The following GNB1 variants were observed in gnomAD, a reference collection of about 807,000 sequenced individuals.
The protein encoded by GNB1 is guanine nucleotide-binding protein G(I)/G(S)/G(T) subunit beta-1.
In GNB1, 2 loss-of-function variants were observed where a neutral mutation model predicts 42.9. The ratio of observed to expected loss-of-function variants is 0.05; its 90% confidence interval spans 0.02 to 0.15. GNB1 has a LOEUF of 0.15. Ranked by LOEUF, GNB1 falls within the 10% of genes least tolerant of loss-of-function variation. The probability of loss-of-function intolerance (pLI) is 1.00; values close to 1 mark genes in which losing one functional copy is unlikely to be tolerated. For missense variants in GNB1, 193 were observed against 462.2 expected, an observed-to-expected ratio of 0.42 and a Z score of 5.34; for synonymous variants, 183 against 174.7, an observed-to-expected ratio of 1.05 and a Z score of -0.38.
At chr1:1,865,891 G>C (rs1648909476) in intron 1 of GNB1, among the ~76,000 whole-genome samples, 1 of 151,346 alleles carries the variant, frequency 6.6e-6, no homozygotes, top group South Asian at 2.1e-4. Flanking sequence ...AAACAGTTTT[G>C]TTTTTTGGTT....
chr1:1,815,668 C>T lies in GNB1; in HGVS notation c.203+88G>A, dbSNP rs533727078. The T allele has an allele frequency of 2.4e-4, 174 of 731,446 alleles. 2 individuals carry two copies. In the South Asian group the frequency reaches 2.7e-3, roughly 11 times the overall value. The allele number at this position is 731,446 out of a possible 1,614,324, so 45.3% of individuals were successfully genotyped here. ...TTCCTAATTTCTTCACTGCACAGCACAGCAAATGGGTTCAGGTACTTTTCC... is the reference window on the plus strand; with the variant it reads ...TTCCTAATTTCTTCACTGCACAGCATAGCAAATGGGTTCAGGTACTTTTCC... On this transcript the variant is annotated intron_variant, in intron 5 of 11. Transcript: ENST00000378609.
chr1:1,837,974 G>T (rs1393039413), intron 2 of GNB1, among the ~76,000 whole-genome samples: 1 of 152,020 alleles, frequency 6.6e-6, no homozygotes, highest in African/African-American at 2.4e-5. Context: ...AGGCCAAGGC[G>T]GGTGGATCAC....
At chr1:1,863,325 A>G (rs1648732778) in intron 1 of GNB1, among the ~76,000 whole-genome samples, 1 of 152,308 alleles carries the variant, frequency 6.6e-6, no homozygotes, top group Non-Finnish European at 1.5e-5. Context: ...TAAGTTATGC[A>G]ATTTATAGCC....
intron 5 of GNB1, among the ~76,000 whole-genome samples, chr1:1,813,895 T>A (rs1220346879): frequency 6.6e-6 from 1 of 152,234 alleles, no homozygotes; most frequent in Non-Finnish European, 1.5e-5. Context: ...GTGAAATAAA[T>A]CAATCAAGCT....
chr1:1,798,579 C>T (rs187168993), intron 7 of GNB1, among the ~76,000 whole-genome samples: 22 of 152,280 alleles, frequency 1.4e-4, no homozygotes, highest in African/African-American at 4.1e-4. Flanking sequence ...AGGCAAGGGC[C>T]GCCGTGTCTC....
intron 1 of GNB1, among the ~76,000 whole-genome samples, chr1:1,844,385 C>T (rs569521511): frequency 8.0e-5 from 5 of 62,258 alleles, no homozygotes; most frequent in Non-Finnish European, 1.4e-4. Context: ...AGTGAGACTC[C>T]GTCTCCAAAA....
At chr1:1,812,369 G>A (rs1646792929) in intron 5 of GNB1, among the ~76,000 whole-genome samples, 1 of 147,202 alleles carries the variant, frequency 6.8e-6, no homozygotes, top group Non-Finnish European at 1.5e-5. Flanking sequence ...GGAACAAGGA[G>A]ATATAGATAT....
At chr1:1,881,240 G>A (rs1649829899) in intron 1 of GNB1, among the ~76,000 whole-genome samples, 1 of 152,096 alleles carries the variant, frequency 6.6e-6, no homozygotes, top group African/African-American at 2.4e-5. Flanking sequence ...CGGTCACCAG[G>A]TCTTATCAAT....
At chr1:1,833,925 T>C (rs1647110465) in intron 2 of GNB1, among the ~76,000 whole-genome samples, 1 of 152,086 alleles carries the variant, frequency 6.6e-6, no homozygotes, top group Non-Finnish European at 1.5e-5. Flanking sequence ...CAGGGAAACA[T>C]GTTCAATGAC....
intron 1 of GNB1, among the ~76,000 whole-genome samples, chr1:1,865,269 AAAAAAAAAAC>A (rs1648864817): frequency 6.9e-6 from 1 of 143,980 alleles, no homozygotes; most frequent in Non-Finnish European, 1.5e-5. Flanking sequence ...CTCAAAAAAC[AAAAAAAAAAC>A]AAAAAAAAAC....
chr1:1,789,374 A>T (rs1414630228), intron 9 of GNB1, 105 bp from the exon 10 acceptor site: 1 of 691,060 alleles, frequency 1.4e-6, no homozygotes, highest in East Asian at 2.7e-5. Flanking sequence ...GCAGGCAAAG[A>T]CCAGCAAGAC....
chr1:1,864,748 A>G (rs1342271462), intron 1 of GNB1, among the ~76,000 whole-genome samples: 1 of 152,170 alleles, frequency 6.6e-6, no homozygotes, highest in Non-Finnish European at 1.5e-5. Flanking sequence ...ATTTATAACT[A>G]AGAGGTTATA....
At chr1:1,827,127 A>C (rs114910442) in intron 2 of GNB1, among the ~76,000 whole-genome samples, 2,127 of 152,342 alleles carry the variant, frequency 0.014, 47 homozygotes, top group African/African-American at 0.049. Context: ...CTTGAGATTA[A>C]AACCCATCTG....
Position 1,787,278 on chromosome 1 carries a change from C to A in GNB1, c.*9+44G>T. The A allele has an allele frequency of 2.1e-6, 2 of 936,662 alleles. No individual in the cohort carries two copies. Among genetic ancestry groups the A allele is most frequent in the African/African-American group, 1.6e-5 (1 of 61,428 alleles). The allele number at this position is 936,662 out of a possible 1,614,324, so 58.0% of individuals were successfully genotyped here. ...AACTTCAAATGTTCTATGAGAAACACGCACAGTTCTCCTCAGAGAAGGGCA... is the reference window on the plus strand; with the variant it reads ...AACTTCAAATGTTCTATGAGAAACAAGCACAGTTCTCCTCAGAGAAGGGCA... On this transcript the variant is annotated intron_variant, in intron 11 of 11. Coordinates refer to ENST00000378609, the MANE Select transcript of GNB1 (RefSeq NM_002074.5). The surrounding 1 kb of genome is among the most constrained non-coding windows in gnomAD (Gnocchi z 4.4).
At chr1:1,811,806 C>T (rs754700059) in intron 5 of GNB1, among the ~76,000 whole-genome samples, 1 of 151,958 alleles carries the variant, frequency 6.6e-6, no homozygotes, top group African/African-American at 2.4e-5. Flanking sequence ...TGGCTCACGC[C>T]TGTAATCCCA....
rs368131943 is a variant in GNB1 at position 1,797,766 on chromosome 1, C to T, written c.431-4455G>A. On this transcript the variant is annotated intron_variant, in intron 7 of 11. Coordinates refer to ENST00000378609, the MANE Select transcript of GNB1 (RefSeq NM_002074.5). ...TTCCAAAATTTCTACAATGAACACA[C>T]TTTGAAAGGTTTAGTTCTCCTACCT... Among the ~76,000 whole-genome samples, 13 of 152,322 alleles carry T rather than the reference C, an allele frequency of 8.5e-5. 1 individual carries two copies. Among genetic ancestry groups the T allele is most frequent in the Admixed American group, 2.6e-4 (4 of 15,296 alleles).
At chr1:1,804,681 C>A in intron 6 of GNB1, 100 bp from the exon 7 acceptor site, 1 of 914,488 alleles carries the variant, frequency 1.1e-6, no homozygotes. Flanking sequence ...AAGGAGGTAA[C>A]AGAACAAAAT....
At chr1:1,792,640 A>C (rs1304200479) in intron 8 of GNB1, among the ~76,000 whole-genome samples, 1 of 148,986 alleles carries the variant, frequency 6.7e-6, no homozygotes, top group Non-Finnish European at 1.5e-5. Context: ...AGAGGTTGCA[A>C]TGAGCCGAGA....
intron 1 of GNB1, among the ~76,000 whole-genome samples, chr1:1,879,478 G>C (rs1052119838): frequency 3.3e-5 from 5 of 152,040 alleles, no homozygotes; most frequent in African/African-American, 1.2e-4. Context: ...AGGCCGAGGC[G>C]GGCAGATCAC....
Sources: gnomAD v4.1 joint callset for allele counts (sites outside exome capture counted in the v4.1 genomes callset) on GRCh38, gnomAD v4.1.1 for gene constraint, Gnocchi (gnomAD v3.1) non-coding constraint, MANE v1.5 for transcripts, NCBI Gene and HGNC (gene_info 2026-07-23, HGNC 2026-07-21) for gene names.